CAMKMT: variants seen among roughly 807,000 people sequenced by gnomAD.
CAMKMT encodes CaM KMT.
CAMKMT carries 53 observed loss-of-function variants against 48.0 expected under a neutral mutation model. The observed-to-expected ratio is 1.10, with a 90% CI of 0.89 to 1.39. The LOEUF (loss-of-function observed/expected upper bound fraction) is 1.39. CAMKMT is among the 40% of genes most tolerant of loss of function. The pLI, the probability that CAMKMT is intolerant of heterozygous loss-of-function variation, is 0.00. For synonymous variants in CAMKMT, 165 were observed against 152.3 expected (o/e 1.08, Z -0.61); for missense variants, 428 against 402.7 (o/e 1.06, Z -0.54).
At chr2:44,549,595 G>GACA in intron 3 of CAMKMT, 1 of 687,902 alleles carries the variant, frequency 1.5e-6, no homozygotes, top group Non-Finnish European at 2.6e-6. Context: ...GAGTGCAGTG[G>GACA]TGATCATAAC....
At chr2:44,367,857 ATCTAGCTAC>A (rs1678770900) in intron 1 of CAMKMT, among the ~76,000 whole-genome samples, 2 of 152,348 alleles carry the variant, frequency 1.3e-5, no homozygotes, top group African/African-American at 4.8e-5. Flanking sequence ...TAATCAGGGC[ATCTAGCTAC>A]TCTTCTAAAA....
In CAMKMT at chr2:44,421,709, A is replaced by G. The variant is rs1572834999; in HGVS notation, c.376+31404A>G. On this transcript the variant is annotated intron_variant, in intron 3 of 10. Coordinates refer to ENST00000378494, the MANE Select transcript of CAMKMT (RefSeq NM_024766.5). ...GTTTTGAAAGCATTCTCTTTTTCTTACTAAATCAAAAACAGAGAAAACTTA... is the reference window on the plus strand; with the variant it reads ...GTTTTGAAAGCATTCTCTTTTTCTTGCTAAATCAAAAACAGAGAAAACTTA... 2.6e-5 allele frequency among the ~76,000 whole-genome samples: 4 copies of G among 152,318 alleles called. No homozygotes were observed. In the East Asian group the frequency reaches 7.7e-4, roughly 29 times the overall value.
In CAMKMT at chr2:44,618,066, A is replaced by T. The variant is rs1402360506; in HGVS notation, c.377-86217A>T. Reference sequence around the variant, plus strand: ...CTTTGTATACACTTCTAGTAGTTAAACTGATTTTAATGGATGAATTTTCAT... The same window carrying T: ...CTTTGTATACACTTCTAGTAGTTAATCTGATTTTAATGGATGAATTTTCAT... On this transcript the variant is annotated intron_variant, in intron 3 of 10. Coordinates refer to ENST00000378494, the MANE Select transcript of CAMKMT (RefSeq NM_024766.5). The surrounding 1 kb of genome is among the most constrained non-coding windows in gnomAD (Gnocchi z 4.0). Among the ~76,000 whole-genome samples the T allele has an allele frequency of 6.6e-6, 1 of 152,170 alleles. No homozygotes were observed. Among genetic ancestry groups the T allele is most frequent in the Non-Finnish European group, 1.5e-5 (1 of 68,032 alleles).
Position 44,702,631 on chromosome 2 carries a change from A to G in CAMKMT, c.377-1652A>G, listed in dbSNP as rs553253953. Among the ~76,000 whole-genome samples the G allele has an allele frequency of 6.6e-5, 10 of 152,282 alleles. No homozygotes were observed. The South Asian group carries it at 2.1e-3, about 32-fold the overall frequency. On this transcript the variant is annotated intron_variant, in intron 3 of 10. Transcript: ENST00000378494. ...GGAGCCCAATAAGTCTGGTTCCAAA[A>G]TATCTGTGATCTTAACTGCCACATT...
At chr2:44,505,970 C>T (rs967581582) in intron 3 of CAMKMT, among the ~76,000 whole-genome samples, 2 of 152,120 alleles carry the variant, frequency 1.3e-5, no homozygotes, top group South Asian at 2.1e-4. Context: ...CGGGTTCAAG[C>T]ATCCTCCCAG....
At chr2:44,735,031 TCTG>T (rs1679282202) in intron 7 of CAMKMT, among the ~76,000 whole-genome samples, 1 of 152,240 alleles carries the variant, frequency 6.6e-6, no homozygotes, top group African/African-American at 2.4e-5. Flanking sequence ...AATTTGAAGC[TCTG>T]TTATTCAGTG....
chr2:44,454,418 A>C (rs1480555604), intron 3 of CAMKMT, among the ~76,000 whole-genome samples: 1 of 152,136 alleles, frequency 6.6e-6, no homozygotes, highest in Non-Finnish European at 1.5e-5. Flanking sequence ...CTACCAGTAA[A>C]ATAAACTAAA....
intron 3 of CAMKMT, among the ~76,000 whole-genome samples, chr2:44,481,116 G>A (rs1668945073): frequency 1.3e-5 from 2 of 151,982 alleles, no homozygotes; most frequent in South Asian, 4.2e-4. Flanking sequence ...CCATTTGGTG[G>A]ATGTGAAAGG....
chr2:44,614,298 A>G (rs2103906931), intron 3 of CAMKMT, among the ~76,000 whole-genome samples: 1 of 152,358 alleles, frequency 6.6e-6, no homozygotes, highest in East Asian at 1.9e-4. Context: ...GGACTGTGTT[A>G]AGTGTAAGGA....
At chr2:44,709,579 C>T (rs537059095) in intron 6 of CAMKMT, among the ~76,000 whole-genome samples, 7 of 152,084 alleles carry the variant, frequency 4.6e-5, no homozygotes, top group African/African-American at 1.4e-4. Context: ...AATTGGCATT[C>T]GTTGTCATCT....
At chr2:44,364,835 A>T (rs1260700740) in intron 1 of CAMKMT, among the ~76,000 whole-genome samples, 5 of 152,180 alleles carry the variant, frequency 3.3e-5, no homozygotes, top group Non-Finnish European at 7.4e-5. Context: ...AGTGGGCTGA[A>T]GTCCTCATGG....
intron 3 of CAMKMT, among the ~76,000 whole-genome samples, chr2:44,666,517 T>C (rs1674978552): frequency 6.6e-6 from 1 of 152,100 alleles, no homozygotes; most frequent in Non-Finnish European, 1.5e-5. Context: ...CACCAAGATC[T>C]AAGTTCAGGA....
intron 8 of CAMKMT, among the ~76,000 whole-genome samples, chr2:44,747,539 GCT>G (rs1039004988): frequency 6.6e-6 from 1 of 152,214 alleles, no homozygotes; most frequent in African/African-American, 2.4e-5. Context: ...ATTATTCTGA[GCT>G]CTCATAAAAA....
At chr2:44,594,195 A>G (rs1241287776) in intron 3 of CAMKMT, among the ~76,000 whole-genome samples, 1 of 152,220 alleles carries the variant, frequency 6.6e-6, no homozygotes, top group Non-Finnish European at 1.5e-5. Flanking sequence ...TTCCATGCTC[A>G]TGGATAGGAA....
At chr2:44,771,649 C>G (rs1010395314) in intron 10 of CAMKMT, among the ~76,000 whole-genome samples, 1 of 152,180 alleles carries the variant, frequency 6.6e-6, no homozygotes, top group Non-Finnish European at 1.5e-5. Flanking sequence ...ATCTGAAATG[C>G]CCGCCTGCCT....
At chr2:44,631,030 A>G (rs1402127346) in intron 3 of CAMKMT, among the ~76,000 whole-genome samples, 1 of 152,200 alleles carries the variant, frequency 6.6e-6, no homozygotes, top group East Asian at 1.9e-4. Context: ...GGATTAAGAA[A>G]ATGTGGCATG....
At chr2:44,645,900 G>T (rs1673703842) in intron 3 of CAMKMT, among the ~76,000 whole-genome samples, 1 of 152,206 alleles carries the variant, frequency 6.6e-6, no homozygotes, top group Non-Finnish European at 1.5e-5. Flanking sequence ...TAGGAAGACT[G>T]ACAGTGTCCT....
At chr2:44,423,148 C>T (rs541187655) in intron 3 of CAMKMT, among the ~76,000 whole-genome samples, 1 of 151,280 alleles carries the variant, frequency 6.6e-6, no homozygotes, top group Non-Finnish European at 1.5e-5. Context: ...ATCATATGCA[C>T]AGATTCAGAC....
intron 3 of CAMKMT, among the ~76,000 whole-genome samples, chr2:44,485,472 TAAC>T (rs1391843514): frequency 6.6e-6 from 1 of 152,206 alleles, no homozygotes; most frequent in Non-Finnish European, 1.5e-5. Flanking sequence ...ATGCATCACT[TAAC>T]AATGGCGATA....
Sources: allele counts gnomAD v4.1 joint callset (sites outside exome capture counted in the v4.1 genomes callset), GRCh38; gene constraint gnomAD v4.1.1; non-coding constraint Gnocchi (gnomAD v3.1); transcripts MANE v1.5; gene names NCBI Gene and HGNC (gene_info 2026-07-23, HGNC 2026-07-21).